The following LPCAT1 variants were observed in gnomAD, a reference collection of about 807,000 sequenced individuals.
LPCAT1 encodes 1-acylglycerol-3-phosphate O-acyltransferase.
In LPCAT1, 23 loss-of-function variants were observed where a neutral mutation model predicts 60.9. That is an observed-to-expected ratio of 0.38 (90% CI 0.27 to 0.53). LPCAT1 has a LOEUF of 0.53. Among genes scored for constraint, LPCAT1 ranks in the 20% least tolerant of loss-of-function variants. The pLI is 0.82. For missense variants in LPCAT1, 622 were observed against 723.6 expected (o/e 0.86, Z 1.61); for synonymous variants, 340 against 301.1 (o/e 1.13, Z -1.34).
chr5:1,470,896 T>A lies in LPCAT1; in HGVS notation c.1208A>T (p.Glu403Val), dbSNP rs775958276. ...GACGACAGACAGGGCAACCACACAC[T>A]CTCGCAGGTCCACCTCGCCGCTGCC... ...ESGSGEVDLR[E>V]CVVALSVVCR... Residue 403 changes from glutamate (E) to valine (V), a missense_variant, in exon 12 of 14, where the codon GAG (glutamate) becomes GTG (valine). By Grantham distance (121) the Glu-to-Val change is moderately radical. Around this residue, in one of 3 missense-constraint regions of LPCAT1, gnomAD observed 288 missense variants for 283.6 expected, o/e 1.02. Coordinates refer to ENST00000283415, the MANE Select transcript of LPCAT1 (RefSeq NM_024830.5). 1 of 1,612,978 alleles carries A rather than the reference T, an allele frequency of 6.2e-7. No individual in the cohort carries two copies. Among genetic ancestry groups the A allele is most frequent in the Non-Finnish European group, 8.5e-7 (1 of 1,179,940 alleles).
Position 1,465,434 on chromosome 5 carries a change from AAAC to A in LPCAT1, c.1420+1312_1420+1314del, listed in dbSNP as rs1266898163. ...AACTACACACATGCACACACACACAAAACAAGCGCAGGTACACACAGTAACTAA... is the reference window on the plus strand; with the variant it reads ...AACTACACACATGCACACACACACAAAAGCGCAGGTACACACAGTAACTAA... On this transcript the variant is annotated intron_variant, in intron 13 of 13. Transcript: ENST00000283415. Among the ~76,000 whole-genome samples, 9 of 150,470 alleles carry A rather than the reference AAAC, an allele frequency of 6.0e-5. No individual in the cohort carries two copies. The East Asian group carries it at 7.8e-4, about 13-fold the overall frequency.
In LPCAT1 at chr5:1,523,604, C is replaced by CCG. The variant is rs1736742919; in HGVS notation, c.135+104_135+105dup. 1 of 804,804 alleles carries CCG rather than the reference C, an allele frequency of 1.2e-6. No individual in the cohort carries two copies. Among genetic ancestry groups the CCG allele is most frequent in the Non-Finnish European group, 1.5e-6 (1 of 659,900 alleles). The allele number at this position is 804,804 out of a possible 1,614,324, so 49.9% of individuals were successfully genotyped here. ...AGGCGCCGCGGCTCGCAGGGCCGCG[C>CCG]CGCGCCCCAGGCCCCCTCCCCGGCC... On this transcript the variant is annotated intron_variant, in intron 1 of 13. Coordinates refer to ENST00000283415, the MANE Select transcript of LPCAT1 (RefSeq NM_024830.5). This position sits in a 1 kb window ranked among gnomAD's most constrained non-coding sequence, Gnocchi z 7.1.
chr5:1,496,991 C>T lies in LPCAT1; in HGVS notation c.279-2077G>A, dbSNP rs1192699777. 2.6e-5 allele frequency among the ~76,000 whole-genome samples: 4 copies of T among 152,186 alleles called. No homozygotes were observed. Among genetic ancestry groups the T allele is most frequent in the Non-Finnish European group, 5.9e-5 (4 of 68,034 alleles). ...GCACCCCCAGGAAATCCACTCCGTC[C>T]TACCGCCCTCACACGGACGACACCC... On this transcript the variant is annotated intron_variant, in intron 2 of 13. Coordinates refer to ENST00000283415, the MANE Select transcript of LPCAT1 (RefSeq NM_024830.5). The surrounding 1 kb of genome is among the most constrained non-coding windows in gnomAD (Gnocchi z 4.7).
chr5:1,512,762 C>T (rs1237342830), intron 1 of LPCAT1, among the ~76,000 whole-genome samples: 3 of 152,252 alleles, frequency 2.0e-5, no homozygotes, highest in Non-Finnish European at 2.9e-5. Flanking sequence ...ATGGTGCTCA[C>T]ACATTGGTGC....
Position 1,480,876 on chromosome 5 carries a change from C to A in LPCAT1, c.761+66G>T. ...AAAAGTAACTAGCGTGCACAGCAGA[C>A]CCCAAGCAGCCCCTACGTGTTCATG... On this transcript the variant is annotated intron_variant, in intron 7 of 13. Coordinates refer to ENST00000283415, the MANE Select transcript of LPCAT1 (RefSeq NM_024830.5). The surrounding 1 kb of genome is among the most constrained non-coding windows in gnomAD (Gnocchi z 6.4). 1 of 1,586,072 alleles carries A rather than the reference C, an allele frequency of 6.3e-7. No homozygotes were observed. Among genetic ancestry groups the A allele is most frequent in the Middle Eastern group, 1.7e-4 (1 of 5,998 alleles).
chr5:1,490,233 G>A (rs774802116), intron 3 of LPCAT1, among the ~76,000 whole-genome samples: 4 of 152,160 alleles, frequency 2.6e-5, no homozygotes, highest in Non-Finnish European at 4.4e-5. Context: ...ATTGGACCCC[G>A]CCTTCCCCCT....
At chr5:1,479,198 C>G (rs1735033924) in intron 8 of LPCAT1, among the ~76,000 whole-genome samples, 1 of 152,162 alleles carries the variant, frequency 6.6e-6, no homozygotes, top group Non-Finnish European at 1.5e-5. Context: ...GAGTTTGAGA[C>G]CAGCCTAGGC....
chr5:1,469,094 G>C (rs1446705726), intron 12 of LPCAT1, among the ~76,000 whole-genome samples: 1 of 152,246 alleles, frequency 6.6e-6, no homozygotes, highest in African/African-American at 2.4e-5. Context: ...AGCTGCTGAG[G>C]GTGGAGGTGA....
rs773572389 is a variant in LPCAT1 at position 1,480,592 on chromosome 5, C to A, written c.761+350G>T. ...CACCCAGCACTACTCAGTCTCTGTG[C>A]CTGTGCAGACGGGGTCCCCCCAGAC... On this transcript the variant is annotated intron_variant, in intron 7 of 13. Coordinates refer to ENST00000283415, the MANE Select transcript of LPCAT1 (RefSeq NM_024830.5). This position sits in a 1 kb window ranked among gnomAD's most constrained non-coding sequence, Gnocchi z 6.4. Among the ~76,000 whole-genome samples the A allele has an allele frequency of 6.6e-6, 1 of 152,192 alleles. No individual in the cohort carries two copies. The highest frequency in any genetic ancestry group is 1.5e-5 in the Non-Finnish European group (1 of 68,032).
At chr5:1,479,341 C>T (rs534664470) in intron 8 of LPCAT1, 23 of 476,746 alleles carry the variant, frequency 4.8e-5, no homozygotes, top group African/African-American at 2.9e-4. Context: ...CATCGCTACA[C>T]TCCAGCCTGG....
At position 1,515,539 on chromosome 5, in the gene LPCAT1, G is replaced by A. The variant is rs191201798; in HGVS notation, c.135+8171C>T. Among the ~76,000 whole-genome samples, 1,089 of 148,394 alleles carry A rather than the reference G, an allele frequency of 7.3e-3. 18 individuals carry two copies. Among genetic ancestry groups the A allele is most frequent in the African/African-American group, 0.026 (1,027 of 39,902 alleles). On this transcript the variant is annotated intron_variant, in intron 1 of 13. Transcript: ENST00000283415. ...GCCCCACACTACCCGCAGATACAGG[G>A]GCCCCCCAGAACATCTTGGCCCAAC...
intron 5 of LPCAT1, among the ~76,000 whole-genome samples, chr5:1,485,933 G>A (rs148036948): frequency 2.1e-4 from 32 of 152,334 alleles, no homozygotes; most frequent in Non-Finnish European, 3.7e-4. Context: ...CTGCATCCTC[G>A]GGCTGTCAGT....
At chr5:1,511,265 C>T (rs992674568) in intron 1 of LPCAT1, among the ~76,000 whole-genome samples, 51 of 152,326 alleles carry the variant, frequency 3.3e-4, no homozygotes, top group African/African-American at 1.2e-3. Context: ...CTCCCCGGCG[C>T]GCGCTGTTTG....
At chr5:1,488,076 C>T (rs1246343680) in intron 5 of LPCAT1, among the ~76,000 whole-genome samples, 1 of 152,178 alleles carries the variant, frequency 6.6e-6, no homozygotes, top group Admixed American at 6.5e-5. Context: ...TACCCTGAGC[C>T]ATTCAAAGGC....
Position 1,501,574 on chromosome 5 carries a change from C to T in LPCAT1, c.165G>A (p.Pro55=), listed in dbSNP as rs377109748. 6.8e-6 allele frequency: 11 copies of T among 1,613,884 alleles called. No homozygotes were observed. Among genetic ancestry groups the T allele is most frequent in the African/African-American group, 5.3e-5 (4 of 75,036 alleles). Residue 55 remains proline (P), a synonymous_variant, in exon 2 of 14, where the codon CCG becomes CCA. Transcript: ENST00000283415. ...QVALMTLTLF[P]VRLLVAAAMM... is the part of the protein sequence containing the mutation. ...TGGCAGCGGCAACCAGGAGCCGGAC[C>T]GGGAAGAGCGTCAGTGTCATGAGGG...
intron 1 of LPCAT1, among the ~76,000 whole-genome samples, chr5:1,517,857 G>GGA (rs1736550790): frequency 6.6e-6 from 1 of 152,254 alleles, no homozygotes; most frequent in African/African-American, 2.4e-5. Flanking sequence ...CCCACCCCTG[G>GGA]CAGTGCCTCC....
intron 4 of LPCAT1, 54 bp downstream of exon 4, chr5:1,489,692 T>C (rs1735500947): frequency 1.1e-5 from 14 of 1,315,748 alleles, no homozygotes; most frequent in Non-Finnish European, 1.5e-5. Flanking sequence ...ACTCGCGAAG[T>C]TCGCATCTTT....
chr5:1,517,874 G>A (rs1355291666), intron 1 of LPCAT1, among the ~76,000 whole-genome samples: 1 of 152,248 alleles, frequency 6.6e-6, no homozygotes, highest in Non-Finnish European at 1.5e-5. Flanking sequence ...CTCCCCACAC[G>A]GGGGACGAGG....
chr5:1,488,821 AG>A (rs966295998), intron 4 of LPCAT1, among the ~76,000 whole-genome samples: 48 of 152,224 alleles, frequency 3.2e-4, no homozygotes, highest in African/African-American at 1.1e-3. Context: ...CATTCTCATC[AG>A]GAAGAAGGTG....
Sources: allele counts gnomAD v4.1 joint callset (sites outside exome capture counted in the v4.1 genomes callset), GRCh38; gene constraint gnomAD v4.1.1; regional missense constraint gnomAD v4.1.1; non-coding constraint Gnocchi (gnomAD v3.1); transcripts MANE v1.5; gene names NCBI Gene and HGNC (gene_info 2026-07-23, HGNC 2026-07-21).